Variants in SERINC5 observed in about 807,000 individuals in gnomAD.
The protein encoded by SERINC5 is serine incorporator 5, also known as chromosome 5 open reading frame 12.
SERINC5 carries 41 observed loss-of-function variants against 63.1 expected under a neutral mutation model. The ratio of observed to expected loss-of-function variants is 0.65; its 90% CI spans 0.51 to 0.84. The LOEUF (loss-of-function observed/expected upper bound fraction) is 0.84. SERINC5 is among the 40% of genes least tolerant of loss of function. SERINC5 has a pLI of 0.00. For synonymous variants in SERINC5, 222 were observed against 215.2 expected (o/e 1.03, Z -0.28); for missense variants, 523 against 573.0 (o/e 0.91, Z 0.89).
chr5:80,188,116 C>T (rs1315066389), intron 2 of SERINC5, among the ~76,000 whole-genome samples: 3 of 151,922 alleles, frequency 2.0e-5, no homozygotes, highest in African/African-American at 7.3e-5. Context: ...AACCCCGTCT[C>T]TGCTAAAAAA....
At position 80,255,974 on chromosome 5, in the gene SERINC5, C is replaced by T. The variant is rs1222355077; in HGVS notation, c.-52G>A. 11 of 1,483,728 alleles carry T rather than the reference C, an allele frequency of 7.4e-6. No homozygotes were observed. Among genetic ancestry groups the T allele is most frequent in the Admixed American group, 2.3e-5 (1 of 43,800 alleles). 91.9% of individuals were successfully genotyped at this position (1,483,728 alleles called of 1,614,324 possible). A position where few individuals can be genotyped will look rare whatever the true frequency, so the allele number is the denominator to read the frequency against. On this transcript the variant is annotated 5_prime_UTR_variant, in exon 1 of 12. Transcript: ENST00000507668. Reference sequence around the variant, plus strand: ...TCGCTGGCTCCCCGCGCCGCACGGGCCCTCCTGGCTGCCTCGCGCCTCGAG... The same window carrying T: ...TCGCTGGCTCCCCGCGCCGCACGGGTCCTCCTGGCTGCCTCGCGCCTCGAG...
At chr5:80,159,892 G>C (rs1746775885) in intron 7 of SERINC5, among the ~76,000 whole-genome samples, 1 of 152,130 alleles carries the variant, frequency 6.6e-6, no homozygotes, top group South Asian at 2.1e-4. Flanking sequence ...GACCCTTTGA[G>C]ACCTTGCCTT....
chr5:80,177,898 T>C lies in SERINC5; in HGVS notation c.362A>G (p.His121Arg), dbSNP rs777988765. ...CTAAAATACTTACCCATTGTGAATA[T>C]GAGCTCTACAACTTTTGCTGTTGTT... ...KINNSKSCRAHIHNGFWFFKL... is the reference protein window; with the variant it reads ...KINNSKSCRARIHNGFWFFKL... The change falls in exon 3 of 12, where the codon CAT becomes CGT. Residue 121 changes from histidine to arginine, a missense_variant. Coordinates refer to ENST00000507668, the MANE Select transcript of SERINC5 (RefSeq NM_001174072.3). The C allele has an allele frequency of 1.2e-6, 2 of 1,609,002 alleles. No individual in the cohort carries two copies. The highest frequency in any genetic ancestry group is 2.2e-5 in the East Asian group (1 of 44,820).
chr5:80,255,956 C>T lies in SERINC5; in HGVS notation c.-34G>A. The T allele has an allele frequency of 2.0e-6, 3 of 1,516,110 alleles. No individual in the cohort carries two copies. The highest frequency in any genetic ancestry group is 1.4e-5 in the African/African-American group (1 of 69,686). 93.9% of individuals were successfully genotyped at this position (1,516,110 alleles called of 1,614,324 possible). A position where few individuals can be genotyped will look rare whatever the true frequency, so the allele number is the denominator to read the frequency against. ...CCAATGCCGAAGGCGCGCTCGCTGG[C>T]TCCCCGCGCCGCACGGGCCCTCCTG... is the stretch of plus-strand genomic sequence containing the variant. On this transcript the variant is annotated 5_prime_UTR_variant, in exon 1 of 12. Coordinates refer to ENST00000507668, the MANE Select transcript of SERINC5 (RefSeq NM_001174072.3).
intron 5 of SERINC5, among the ~76,000 whole-genome samples, chr5:80,174,616 C>T (rs1468726537): frequency 6.6e-6 from 1 of 151,774 alleles, no homozygotes; most frequent in East Asian, 1.9e-4. Flanking sequence ...TAAAAAAACA[C>T]AGCAAGGCCA....
chr5:80,227,618 AAG>A lies in SERINC5; in HGVS notation c.28-24567_28-24566del, dbSNP rs796578121. Among the ~76,000 whole-genome samples, 432 of 138,788 alleles carry A rather than the reference AAG, an allele frequency of 3.1e-3. 6 individuals are homozygous for A. Among genetic ancestry groups the A allele is most frequent in the African/African-American group, 0.011 (371 of 34,714 alleles). The allele number at this position is 138,788 out of a possible 152,430, so 91.1% of individuals were successfully genotyped here. On this transcript the variant is annotated intron_variant, in intron 1 of 11. Coordinates refer to ENST00000507668, the MANE Select transcript of SERINC5 (RefSeq NM_001174072.3). ...TCTACTAAAAATACAAAAAAAAAAA[AAG>A]AATCGCATGTGTAGATGTTTATTTT...
intron 7 of SERINC5, among the ~76,000 whole-genome samples, chr5:80,160,677 T>A (rs747681735): frequency 6.6e-6 from 1 of 152,124 alleles, no homozygotes; most frequent in Non-Finnish European, 1.5e-5. Context: ...CATTAAGTAA[T>A]TTCTCACCAT....
Position 80,256,023 on chromosome 5 carries a change from A to G in SERINC5, c.-101T>C, listed in dbSNP as rs1039391964. The G allele has an allele frequency of 4.1e-6, 5 of 1,220,800 alleles. No homozygotes were observed. Among genetic ancestry groups the G allele is most frequent in the Middle Eastern group, 2.6e-4 (1 of 3,852 alleles). 75.6% of individuals were successfully genotyped at this position (1,220,800 alleles called of 1,614,324 possible). On this transcript the variant is annotated 5_prime_UTR_variant, in exon 1 of 12. Coordinates refer to ENST00000507668, the MANE Select transcript of SERINC5 (RefSeq NM_001174072.3). ...AGCGCTGGGCTCAGCCGCAGCTCACACTTGAACGAAGATCAGCCTCGGCGA... is the reference window on the plus strand; with the variant it reads ...AGCGCTGGGCTCAGCCGCAGCTCACGCTTGAACGAAGATCAGCCTCGGCGA...
At chr5:80,156,853 T>C (rs541321051) in intron 8 of SERINC5, 15 of 152,184 alleles carry the variant, frequency 9.9e-5, no homozygotes, top group African/African-American at 2.2e-4. Context: ...GAAAATATGA[T>C]AGGGTGAAAA....
rs185486806 is a variant in SERINC5 at position 80,242,341 on chromosome 5, G to A, written c.27+13555C>T. 3.3e-5 allele frequency among the ~76,000 whole-genome samples: 5 copies of A among 152,250 alleles called. No homozygotes were observed. The East Asian group carries it at 9.7e-4, about 30-fold the overall frequency. ...AAGACCCTTTTAGAAAAATAGGTCAGGTGTGGTGGCTCACACCTGTAATCC... is the reference window on the plus strand; with the variant it reads ...AAGACCCTTTTAGAAAAATAGGTCAAGTGTGGTGGCTCACACCTGTAATCC... On this transcript the variant is annotated intron_variant, in intron 1 of 11. Transcript: ENST00000507668.
intron 5 of SERINC5, among the ~76,000 whole-genome samples, chr5:80,174,413 G>T (rs969489820): frequency 1.2e-5 from 1 of 83,768 alleles, no homozygotes; most frequent in African/African-American, 4.7e-5. Flanking sequence ...AAAAGAAAAA[G>T]AAAACAAAAG....
chr5:80,116,859 T>C (rs1744343601), intron 11 of SERINC5, among the ~76,000 whole-genome samples: 1 of 151,500 alleles, frequency 6.6e-6, no homozygotes, highest in Non-Finnish European at 1.5e-5. Flanking sequence ...GACGGGGTCT[T>C]GCTCTCTCGC....
chr5:80,147,091 G>C (rs762570519), intron 10 of SERINC5, among the ~76,000 whole-genome samples, 154 bp downstream of exon 10: 11 of 152,224 alleles, frequency 7.2e-5, no homozygotes, highest in African/African-American at 2.7e-4. Context: ...CCTTCAGGAA[G>C]AATGTGAAAA....
intron 1 of SERINC5, among the ~76,000 whole-genome samples, chr5:80,219,857 GT>G (rs70982041): frequency 0.13 from 20,408 of 151,876 alleles, 1,525 homozygotes; most frequent in Non-Finnish European, 0.17. Context: ...TTACCTTTTT[GT>G]TTTTTTTCAT....
intron 3 of SERINC5, among the ~76,000 whole-genome samples, 160 bp from the exon 4 acceptor site, chr5:80,177,557 T>A (rs946977743): frequency 3.3e-5 from 5 of 152,204 alleles, no homozygotes; most frequent in Admixed American, 3.3e-4. Context: ...AAGAATGCTT[T>A]TTCCCATAAT....
At chr5:80,236,512 G>C (rs1655813177) in intron 1 of SERINC5, among the ~76,000 whole-genome samples, 1 of 151,590 alleles carries the variant, frequency 6.6e-6, no homozygotes, top group African/African-American at 2.4e-5. Context: ...ACTTCAAGTA[G>C]CTTAAGTCCT....
intron 11 of SERINC5, chr5:80,129,078 A>G (rs1022811266): frequency 3.3e-5 from 5 of 152,218 alleles, no homozygotes; most frequent in Non-Finnish European, 7.3e-5. Flanking sequence ...TCTTGGATCA[A>G]TTAACTGAAG....
At chr5:80,113,390 T>C (rs1386363950) in intron 12 of SERINC5, among the ~76,000 whole-genome samples, 2 of 152,322 alleles carry the variant, frequency 1.3e-5, no homozygotes, top group Admixed American at 6.5e-5. Context: ...TGAACATTTT[T>C]TTCTGAGTGG....
chr5:80,173,015 A>C (rs746665595), intron 5 of SERINC5, among the ~76,000 whole-genome samples: 1 of 152,116 alleles, frequency 6.6e-6, no homozygotes, highest in Non-Finnish European at 1.5e-5. Flanking sequence ...TGGCACATCC[A>C]GGCTAAGGCT....
Sources: allele counts gnomAD v4.1 joint callset (sites outside exome capture counted in the v4.1 genomes callset), GRCh38; gene constraint gnomAD v4.1.1; transcripts MANE v1.5; gene names NCBI Gene and HGNC (gene_info 2026-07-23, HGNC 2026-07-21).